UBN2: variants seen among roughly 807,000 people sequenced by gnomAD.
UBN2 encodes the protein ubinuclein-2.
In UBN2, 35 loss-of-function variants were observed where a neutral mutation model predicts 120.2. The ratio of observed to expected loss-of-function variants is 0.29; its 90% confidence interval spans 0.22 to 0.39. UBN2 has a LOEUF of 0.39. Ranked by LOEUF, UBN2 falls within the 10% of genes least tolerant of loss-of-function variation. The pLI is 1.00. For synonymous variants in UBN2, 661 were observed against 648.7 expected, an observed-to-expected ratio of 1.02 and a Z score of -0.29; for missense variants, 1,693 against 1,663.2, an observed-to-expected ratio of 1.02 and a Z score of -0.31.
Position 139,303,192 on chromosome 7 carries a change from C to T in UBN2, c.*5356C>T, listed in dbSNP as rs571417371. The T allele has an allele frequency of 4.6e-5, 7 of 152,056 alleles. No homozygotes were observed. The highest frequency in any genetic ancestry group is 8.8e-5 in the Non-Finnish European group (6 of 67,998). 9.4% of individuals were successfully genotyped at this position (152,056 alleles called of 1,614,324 possible). On this transcript the variant is annotated 3_prime_UTR_variant, in exon 18 of 18. Transcript: ENST00000473989. The stretch of plus-strand genomic sequence containing the variant: ...GCATTCTTGAGAGATTTTCCATTTG[C>T]TTTTTATTTGCTAGATAATTACATT...
intron 6 of UBN2, among the ~76,000 whole-genome samples, chr7:139,265,746 G>A (rs1342272025): frequency 6.6e-6 from 1 of 152,110 alleles, no homozygotes; most frequent in Non-Finnish European, 1.5e-5. Flanking sequence ...GGGATTTGAG[G>A]TTGGAATGCT....
At chr7:139,259,416 C>G (rs1274574131) in intron 5 of UBN2, 46 bp downstream of exon 5, 1 of 1,598,682 alleles carries the variant, frequency 6.3e-7, no homozygotes, top group Non-Finnish European at 8.5e-7. Context: ...CACAGTCTGA[C>G]TGTCTCTCCC....
intron 6 of UBN2, 48 bp from the exon 7 acceptor site, chr7:139,266,285 A>T: frequency 8.3e-7 from 1 of 1,203,004 alleles, no homozygotes; most frequent in Non-Finnish European, 1.2e-6. Flanking sequence ...AATGCAAAAT[A>T]GAGTAATGGC....
rs148555711 is a variant in UBN2 at position 139,296,758 on chromosome 7, G to A, written c.3995-1029G>A. Among the ~76,000 whole-genome samples, 168 of 152,210 alleles carry A rather than the reference G, an allele frequency of 1.1e-3. 1 individual carries two copies. The highest frequency in any genetic ancestry group is 3.7e-3 in the African/African-American group (155 of 41,534). ...GAAATTATTTTGAGCTGGTGTGGTG[G>A]CACACACCTGTAGTCCCACTACTTA... is the stretch of plus-strand genomic sequence containing the variant. On this transcript the variant is annotated intron_variant, in intron 17 of 17. Coordinates refer to ENST00000473989, the MANE Select transcript of UBN2 (RefSeq NM_173569.4).
chr7:139,281,701 A>G (rs1438394287), intron 13 of UBN2, among the ~76,000 whole-genome samples: 1 of 152,264 alleles, frequency 6.6e-6, no homozygotes, highest in African/African-American at 2.4e-5. Flanking sequence ...AAGTTATTTT[A>G]AAACAGCAGT....
At chr7:139,247,809 C>T (rs1387541962) in intron 2 of UBN2, among the ~76,000 whole-genome samples, 1 of 152,144 alleles carries the variant, frequency 6.6e-6, no homozygotes, top group Admixed American at 6.5e-5. Flanking sequence ...AAACACTGAT[C>T]TTGTCAGTTA....
Position 139,279,393 on chromosome 7 carries a change from T to C in UBN2, c.2067+33T>C, listed in dbSNP as rs746480683. On this transcript the variant is annotated intron_variant, in intron 13 of 17. Transcript: ENST00000473989. ...CTGAAACAAAATATTTAATTAGTTATAGTTGGTGAATGTTGAAATACATTC... is the reference window on the plus strand; with the variant it reads ...CTGAAACAAAATATTTAATTAGTTACAGTTGGTGAATGTTGAAATACATTC... The C allele has an allele frequency of 1.3e-5, 20 of 1,531,424 alleles. No homozygotes were observed. The Admixed American group carries it at 2.5e-4, about 19-fold the overall frequency. 94.9% of individuals were successfully genotyped at this position (1,531,424 alleles called of 1,614,324 possible).
intron 2 of UBN2, among the ~76,000 whole-genome samples, chr7:139,250,263 C>T (rs1401405812): frequency 1.3e-5 from 2 of 151,980 alleles, no homozygotes; most frequent in African/African-American, 4.8e-5. Flanking sequence ...GACAGAGTCT[C>T]GCTTTGTTGT....
intron 2 of UBN2, among the ~76,000 whole-genome samples, chr7:139,247,548 A>T (rs1296830022): frequency 6.6e-6 from 1 of 152,224 alleles, no homozygotes; most frequent in Non-Finnish European, 1.5e-5. Context: ...GTGTGACCTT[A>T]GATAAGTTAC....
At chr7:139,312,650 G>A (rs1046451181), downstream of UBN2, among the ~76,000 whole-genome samples, 2 of 152,122 alleles carry the variant, frequency 1.3e-5, no homozygotes, top group East Asian at 3.8e-4. Context: ...TTTATTGAAC[G>A]AAATCCTTTT....
intron 9 of UBN2, 108 bp from the exon 10 acceptor site, chr7:139,273,189 C>T (rs1797339906): frequency 1.7e-6 from 1 of 601,024 alleles, no homozygotes; most frequent in South Asian, 4.1e-5. Flanking sequence ...TCCGTCTTTA[C>T]CCTCTCTTTT....
chr7:139,290,797 G>A (rs538400949), intron 15 of UBN2, among the ~76,000 whole-genome samples: 28 of 152,274 alleles, frequency 1.8e-4, no homozygotes, highest in African/African-American at 3.9e-4. Context: ...GGCTGCTTGC[G>A]GATATTCTTC....
At position 139,283,379 on chromosome 7, in the gene UBN2, A is replaced by G. The variant is rs1797673402; in HGVS notation, c.2474A>G (p.Gln825Arg). The G allele has an allele frequency of 6.2e-7, 1 of 1,614,064 alleles. No homozygotes were observed. The highest frequency in any genetic ancestry group is 1.3e-5 in the African/African-American group (1 of 74,976). The change falls in exon 15 of 18, where the codon CAG (glutamine) becomes CGG (arginine). Residue 825 changes from glutamine (Q) to arginine (R), a missense_variant. This residue lies in a region of UBN2 where 837 missense variants were observed against 817.6 expected (regional missense o/e 1.02). Transcript: ENST00000473989. Reference sequence around the variant, plus strand: ...ACTCCCAAAAAACTAGATTCTACTCAGACTACACATTCTTCAAGTCTTATT... The same window carrying G: ...ACTCCCAAAAAACTAGATTCTACTCGGACTACACATTCTTCAAGTCTTATT... Reference protein sequence around the residue: ...LATPKKLDSTQTTHSSSLIAG... With the variant: ...LATPKKLDSTRTTHSSSLIAG...
rs1798335652 is a variant in UBN2 at position 139,305,013 on chromosome 7, CTA to C, written c.*7179_*7180del. On this transcript the variant is annotated 3_prime_UTR_variant, in exon 18 of 18. Transcript: ENST00000473989. ...AAAATGTGAACTCTGTATTCAAAAACTATCTACAGATGCTTTCACTGGTGCAA... is the reference window on the plus strand; with the variant it reads ...AAAATGTGAACTCTGTATTCAAAAACTCTACAGATGCTTTCACTGGTGCAA... 1 of 152,084 alleles carries C rather than the reference CTA, an allele frequency of 6.6e-6. No homozygotes were observed. The highest frequency in any genetic ancestry group is 6.6e-5 in the Admixed American group (1 of 15,256). The allele number at this position is 152,084 out of a possible 1,614,324, so 9.4% of individuals were successfully genotyped here.
rs1798392433 is a variant in UBN2, at chr7:139,307,993, T to G, written c.*10157T>G. The G allele has an allele frequency of 6.6e-6, 1 of 151,726 alleles. No individual in the cohort carries two copies. The highest frequency in any genetic ancestry group is 2.4e-5 in the African/African-American group (1 of 41,302). The allele number at this position is 151,726 out of a possible 1,614,324, so 9.4% of individuals were successfully genotyped here. A position where few individuals can be genotyped will look rare whatever the true frequency, so the allele number is the denominator to read the frequency against. On this transcript the variant is annotated 3_prime_UTR_variant, in exon 18 of 18. Transcript: ENST00000473989. ...CTGTGAATTTAGTAAATTACCCCCATGAATATACTCCTTCAGTGCAGGGAT... is the reference window on the plus strand; with the variant it reads ...CTGTGAATTTAGTAAATTACCCCCAGGAATATACTCCTTCAGTGCAGGGAT...
In UBN2 at chr7:139,237,049, G is replaced by GGA. The variant is rs769393865; in HGVS notation, c.517_518dup (p.Gln174GlyfsTer13). On this transcript the variant is annotated frameshift_variant, in exon 2 of 18. Transcript: ENST00000473989. LOFTEE classifies it high-confidence loss of function. ...AAGACCCATTTAATGATGAACATCA[G>GGA]GAGAGGCAAGAGGTGGAAATGTTGG... 6.2e-7 allele frequency: 1 copy of GGA among 1,611,402 alleles called. No homozygotes were observed. Among genetic ancestry groups the GGA allele is most frequent in the Non-Finnish European group, 8.5e-7 (1 of 1,178,252 alleles).
chr7:139,316,091 AAAAAAAAAAAAAAAAAG>A, the UBN2 span, among the ~76,000 whole-genome samples: 1 of 143,006 alleles, frequency 7.0e-6, no homozygotes, highest in Admixed American at 6.8e-5. Context: ...AAAAAAAAAA[AAAAAAAAAAAAAAAAAG>A]GGGTTCCAGT....
downstream of UBN2, among the ~76,000 whole-genome samples, chr7:139,311,856 A>G (rs1322837727): frequency 2.6e-5 from 4 of 152,196 alleles, no homozygotes; most frequent in African/African-American, 4.8e-5. Context: ...GAGTGGTCTT[A>G]CAGATATTTG....
intron 5 of UBN2, 24 bp downstream of exon 5, chr7:139,259,394 G>T (rs1401131384): frequency 6.2e-7 from 1 of 1,610,526 alleles, no homozygotes; most frequent in Non-Finnish European, 8.5e-7. Flanking sequence ...AACCTAAGAA[G>T]GGAACTGGCG....
Sources: allele counts gnomAD v4.1 joint callset (sites outside exome capture counted in the v4.1 genomes callset), GRCh38; gene constraint gnomAD v4.1.1; regional missense constraint gnomAD v4.1.1; transcripts MANE v1.5; gene names NCBI Gene and HGNC (gene_info 2026-07-23, HGNC 2026-07-21).